SPAG17: variants seen among roughly 807,000 people sequenced by gnomAD.
SPAG17 encodes the protein sperm-associated antigen 17.
In SPAG17, 169 loss-of-function variants were observed where a neutral mutation model predicts 273.6. The ratio of observed to expected loss-of-function variants is 0.62; its 90% CI spans 0.55 to 0.70. The LOEUF (loss-of-function observed/expected upper bound fraction) is 0.70, where lower values mean the gene tolerates loss of function less well. SPAG17 is among the 30% of genes least tolerant of loss of function. The pLI, the probability that SPAG17 is intolerant of heterozygous loss-of-function variation, is 0.00. For missense variants in SPAG17, 2,557 were observed against 2,627.8 expected (o/e 0.97, Z 0.59); for synonymous variants, 825 against 873.2 (o/e 0.94, Z 0.97).
chr1:118,154,938 A>G (rs1244919363), intron 1 of SPAG17, among the ~76,000 whole-genome samples: 1 of 152,158 alleles, frequency 6.6e-6, no homozygotes, highest in African/African-American at 2.4e-5. Context: ...TAATTTCAGA[A>G]AAGCTATACT....
chr1:118,181,476 A>G (rs1469702459), intron 1 of SPAG17, among the ~76,000 whole-genome samples: 3 of 152,156 alleles, frequency 2.0e-5, no homozygotes. Context: ...AAATATTAAT[A>G]GTAACCAAGA....
intron 1 of SPAG17, among the ~76,000 whole-genome samples, chr1:118,160,984 G>T (rs1356949227): frequency 6.6e-6 from 1 of 152,178 alleles, no homozygotes; most frequent in African/African-American, 2.4e-5. Context: ...ACTTGAGCAA[G>T]AATAGTGTCA....
chr1:118,113,365 T>C (rs1656886101), intron 4 of SPAG17, among the ~76,000 whole-genome samples: 1 of 152,154 alleles, frequency 6.6e-6, no homozygotes, highest in South Asian at 2.1e-4. Context: ...TTTTCTTTAT[T>C]GCCAAACTCC....
At chr1:118,159,882 CCCCCA>C (rs2102368683) in intron 1 of SPAG17, among the ~76,000 whole-genome samples, 1 of 152,258 alleles carries the variant, frequency 6.6e-6, no homozygotes, top group South Asian at 2.1e-4. Flanking sequence ...TATCTCCCCA[CCCCCA>C]ACAGTGGGCT....
At chr1:118,177,704 CA>C (rs1660758904) in intron 1 of SPAG17, among the ~76,000 whole-genome samples, 1 of 151,792 alleles carries the variant, frequency 6.6e-6, no homozygotes, top group East Asian at 1.9e-4. Flanking sequence ...AGAGAAGAGC[CA>C]GGTAAATAAA....
intron 3 of SPAG17, among the ~76,000 whole-genome samples, chr1:118,147,703 C>T (rs144026073): frequency 6.6e-6 from 1 of 152,142 alleles, no homozygotes; most frequent in African/African-American, 2.4e-5. Context: ...GGGGAAATTA[C>T]ACAATCTCAT....
intron 20 of SPAG17, 50 bp from the exon 21 acceptor site, chr1:118,042,092 T>G (rs1249183478): frequency 4.4e-6 from 7 of 1,577,836 alleles, no homozygotes; most frequent in Non-Finnish European, 5.1e-6. Context: ...GAATTAAACA[T>G]AGGTTCCATT....
chr1:118,103,231 T>C (rs562442530), intron 4 of SPAG17, among the ~76,000 whole-genome samples: 3 of 151,974 alleles, frequency 2.0e-5, no homozygotes, highest in Non-Finnish European at 2.9e-5. Context: ...AAAAAGGGGA[T>C]TGGAAGGAAA....
chr1:118,115,404 T>C lies in SPAG17; in HGVS notation c.353A>G (p.Glu118Gly). Reference protein sequence around the residue: ...TAAKAIMDSGEKLTLPLIGKL... With the variant: ...TAAKAIMDSGGKLTLPLIGKL... ...CCCTATCAGTGGTAAGGTTAATTTC[T>C]CTCCACTATCCATAATTGCTTTTGC... Residue 118 changes from glutamate to glycine, a missense_variant, in exon 4 of 49, where the codon GAG (glutamate) becomes GGG (glycine). Transcript: ENST00000336338. 6.2e-7 allele frequency: 1 copy of C among 1,613,668 alleles called. No individual in the cohort carries two copies. The highest frequency in any genetic ancestry group is 8.5e-7 in the Non-Finnish European group (1 of 1,179,676).
Position 118,025,340 on chromosome 1 carries a change from A to G in SPAG17, c.3807T>C (p.Tyr1269=), listed in dbSNP as rs967834525. 8.7e-6 allele frequency: 14 copies of G among 1,613,448 alleles called. No homozygotes were observed. The highest frequency in any genetic ancestry group is 1.7e-5 in the Admixed American group (1 of 59,890). Residue 1269 remains tyrosine, a synonymous_variant, in exon 27 of 49, where the codon TAT becomes TAC. Coordinates refer to ENST00000336338, the MANE Select transcript of SPAG17 (RefSeq NM_206996.4). ...GTGGCATCACCGTTTTATAGAACTCATAGTGCTTCACCCTCTGGGGGTAGC... is the reference window on the plus strand; with the variant it reads ...GTGGCATCACCGTTTTATAGAACTCGTAGTGCTTCACCCTCTGGGGGTAGC... The part of the protein sequence containing the change: ...RQSYPQRVKH[Y]EFYKTVMPPA...
intron 32 of SPAG17, among the ~76,000 whole-genome samples, chr1:118,004,950 T>C (rs1341901496): frequency 6.6e-6 from 1 of 152,172 alleles, no homozygotes; most frequent in Non-Finnish European, 1.5e-5. Context: ...ATCTTCAGGA[T>C]TGTGTTCTTG....
intron 3 of SPAG17, among the ~76,000 whole-genome samples, chr1:118,127,066 A>G (rs1192169618): frequency 6.6e-6 from 1 of 152,206 alleles, no homozygotes. Context: ...TACCAGTACC[A>G]TGCTATTTTG....
intron 35 of SPAG17, 92 bp from the exon 36 acceptor site, chr1:117,992,740 T>A (rs1394101572): frequency 1.1e-5 from 12 of 1,115,896 alleles, no homozygotes. Flanking sequence ...TACATAGATA[T>A]CATAATAACT....
chr1:117,965,562 CCAT>C (rs1272555102), intron 47 of SPAG17: 1 of 152,250 alleles, frequency 6.6e-6, no homozygotes, highest in Non-Finnish European at 1.5e-5. Context: ...CCTTCCCCCA[CCAT>C]GTCTTTCATT....
intron 7 of SPAG17, 26 bp from the exon 8 acceptor site, chr1:118,093,343 T>A: frequency 1.3e-6 from 2 of 1,583,748 alleles, no homozygotes; most frequent in Non-Finnish European, 1.7e-6. Context: ...TTAATGGCAA[T>A]TGGTTACTAG....
chr1:118,059,373 TTAAA>T (rs1163222224), intron 18 of SPAG17, among the ~76,000 whole-genome samples: 2 of 152,292 alleles, frequency 1.3e-5, no homozygotes, highest in African/African-American at 2.4e-5. Flanking sequence ...TAATTTATTT[TTAAA>T]TAAATAAAAA....
chr1:118,107,392 C>T (rs1656464452), intron 4 of SPAG17, among the ~76,000 whole-genome samples: 1 of 152,192 alleles, frequency 6.6e-6, no homozygotes, highest in African/African-American at 2.4e-5. Context: ...TCTCCTTTCT[C>T]TCCCATTCTT....
intron 32 of SPAG17, among the ~76,000 whole-genome samples, chr1:118,000,012 G>A (rs1191550731): frequency 6.6e-6 from 1 of 152,156 alleles, no homozygotes; most frequent in Non-Finnish European, 1.5e-5. Flanking sequence ...AAGGTGTAAG[G>A]AAGGGATCCA....
At chr1:118,143,640 T>C (rs1397154261) in intron 3 of SPAG17, among the ~76,000 whole-genome samples, 2 of 152,198 alleles carry the variant, frequency 1.3e-5, no homozygotes, top group Non-Finnish European at 2.9e-5. Context: ...AAGTGGTAAC[T>C]TTTATTATCA....
Sources: gnomAD v4.1 joint callset for allele counts (sites outside exome capture counted in the v4.1 genomes callset) on GRCh38, gnomAD v4.1.1 for gene constraint, MANE v1.5 for transcripts, NCBI Gene and HGNC (gene_info 2026-07-23, HGNC 2026-07-21) for gene names.